Variants in RCOR1 observed in about 807,000 individuals in gnomAD.
RCOR1 encodes the protein REST corepressor.
Under a neutral mutation model 64.0 loss-of-function variants are expected in RCOR1, and 12 were observed. The ratio of observed to expected loss-of-function variants is 0.19; its 90% confidence interval spans 0.12 to 0.30. RCOR1 has a LOEUF of 0.30. Among genes scored for constraint, RCOR1 ranks in the 10% least tolerant of loss-of-function variants. The pLI is 1.00. For synonymous variants in RCOR1, 279 were observed against 227.2 expected (o/e 1.23, Z -2.05); for missense variants, 502 against 621.2 (o/e 0.81, Z 2.04).
At chr14:102,696,584 G>A (rs919032215) in intron 3 of RCOR1, among the ~76,000 whole-genome samples, 1 of 152,162 alleles carries the variant, frequency 6.6e-6, no homozygotes, top group Non-Finnish European at 1.5e-5. Flanking sequence ...GTCCTGATTA[G>A]CGTTTACTTC....
intron 2 of RCOR1, among the ~76,000 whole-genome samples, chr14:102,614,322 T>TCACTCCATTCTCCTGCCTC (rs1382389097): frequency 9.3e-5 from 14 of 151,134 alleles, no homozygotes; most frequent in Admixed American, 4.6e-4. Context: ...CTTCCTGGAT[T>TCACTCCATTCTCCTGCCTC]CACTCCATTC....
chr14:102,699,773 T>C (rs961647112), intron 3 of RCOR1, among the ~76,000 whole-genome samples: 3 of 151,928 alleles, frequency 2.0e-5, no homozygotes, highest in Non-Finnish European at 4.4e-5. Context: ...TTTTTTTAGC[T>C]TGTGTTGTTG....
chr14:102,624,112 C>A (rs1210707757), intron 2 of RCOR1, among the ~76,000 whole-genome samples: 7 of 151,714 alleles, frequency 4.6e-5, no homozygotes, highest in Admixed American at 4.6e-4. Flanking sequence ...AGGAGAATGA[C>A]ATGAACCTGG....
chr14:102,711,815 A>G (rs1895966270), intron 7 of RCOR1, among the ~76,000 whole-genome samples: 1 of 152,210 alleles, frequency 6.6e-6, no homozygotes, highest in African/African-American at 2.4e-5. Context: ...GCTAACTGAA[A>G]GAAGAAAATT....
intron 2 of RCOR1, among the ~76,000 whole-genome samples, chr14:102,629,328 A>G (rs1007809170): frequency 6.6e-6 from 1 of 151,622 alleles, no homozygotes; most frequent in Non-Finnish European, 1.5e-5. Flanking sequence ...ATTTACTCTT[A>G]TCGTCATCTA....
rs570418852 is a variant in RCOR1 at position 102,667,362 on chromosome 14, G to C, written c.362-14533G>C. On this transcript the variant is annotated intron_variant, in intron 2 of 11. Coordinates refer to ENST00000262241, the MANE Select transcript of RCOR1 (RefSeq NM_015156.4). ...CTAAAAATATGAAAACTAGCCGGGCGTGGTGGTGGGTGCCTGTAATCCCAG... is the reference window on the plus strand; with the variant it reads ...CTAAAAATATGAAAACTAGCCGGGCCTGGTGGTGGGTGCCTGTAATCCCAG... Among the ~76,000 whole-genome samples the C allele has an allele frequency of 5.9e-5, 9 of 152,020 alleles. No homozygotes were observed. The South Asian group carries it at 1.7e-3, about 28-fold the overall frequency.
At chr14:102,644,445 T>C (rs1490850165) in intron 2 of RCOR1, among the ~76,000 whole-genome samples, 1 of 152,218 alleles carries the variant, frequency 6.6e-6, no homozygotes, top group African/African-American at 2.4e-5. Flanking sequence ...AAACATTCTG[T>C]GACCACCTTT....
At chr14:102,662,981 G>A (rs1894853988) in intron 2 of RCOR1, among the ~76,000 whole-genome samples, 1 of 152,134 alleles carries the variant, frequency 6.6e-6, no homozygotes, top group Admixed American at 6.6e-5. Flanking sequence ...TTGGCTCTGT[G>A]TCCCCACGCA....
rs1381196941 is a variant in RCOR1, at chr14:102,657,980, A to T, written c.362-23915A>T. On this transcript the variant is annotated intron_variant, in intron 2 of 11. Transcript: ENST00000262241. ...TTTTAATTTAATTTAATTAATTTTT[A>T]TTTATTTATTTTGAGACAGAGTCTT... 17 of 948,298 alleles carry T rather than the reference A, an allele frequency of 1.8e-5. No individual in the cohort carries two copies. In the African/African-American group the frequency reaches 2.9e-4, roughly 16 times the overall value. 58.7% of individuals were successfully genotyped at this position (948,298 alleles called of 1,614,324 possible).
chr14:102,667,413 A>G (rs1242471083), intron 2 of RCOR1, among the ~76,000 whole-genome samples: 1 of 152,036 alleles, frequency 6.6e-6, no homozygotes, highest in Admixed American at 6.6e-5. Context: ...AAGGAGGAGA[A>G]TTGCTTGAAC....
At chr14:102,691,191 G>T (rs1895523998) in intron 3 of RCOR1, among the ~76,000 whole-genome samples, 2 of 152,194 alleles carry the variant, frequency 1.3e-5, no homozygotes, top group Non-Finnish European at 2.9e-5. Context: ...TTCATTGAGC[G>T]CCGTGAAGGA....
chr14:102,677,162 C>G (rs1451782695), intron 2 of RCOR1, among the ~76,000 whole-genome samples: 1 of 98,366 alleles, frequency 1.0e-5, no homozygotes, highest in African/African-American at 3.8e-5. Context: ...GGGGGGCTGA[C>G]CCCCCCCCAC....
intron 2 of RCOR1, among the ~76,000 whole-genome samples, chr14:102,650,534 C>T (rs1048528990): frequency 6.6e-6 from 1 of 152,134 alleles, no homozygotes; most frequent in African/African-American, 2.4e-5. Context: ...CTACAAACCT[C>T]GCCACATCCA....
chr14:102,706,408 A>G (rs138769412), intron 4 of RCOR1, among the ~76,000 whole-genome samples: 195 of 152,316 alleles, frequency 1.3e-3, no homozygotes, highest in African/African-American at 4.1e-3. Flanking sequence ...ACCAAAAGAA[A>G]GCAGGAGTGA....
chr14:102,612,958 CAAA>C (rs34850806), intron 2 of RCOR1, among the ~76,000 whole-genome samples: 5 of 63,602 alleles, frequency 7.9e-5, no homozygotes, highest in Admixed American at 3.8e-4. Context: ...TATCTCTTAG[CAAA>C]AAAAAAAAAA....
intron 2 of RCOR1, among the ~76,000 whole-genome samples, chr14:102,641,128 G>T (rs1595208665): frequency 6.6e-6 from 1 of 152,000 alleles, no homozygotes; most frequent in East Asian, 1.9e-4. Flanking sequence ...GGTGGCGCGT[G>T]CCTGTGGTCC....
At chr14:102,655,984 C>T in intron 2 of RCOR1, 1 of 982,696 alleles carries the variant, frequency 1.0e-6, no homozygotes, top group Non-Finnish European at 1.2e-6. Flanking sequence ...CACACACACA[C>T]ACACGTGAAA....
intron 2 of RCOR1, among the ~76,000 whole-genome samples, chr14:102,674,190 T>C (rs1165060841): frequency 6.6e-6 from 1 of 152,214 alleles, no homozygotes; most frequent in African/African-American, 2.4e-5. Flanking sequence ...TCTGCTCTTA[T>C]GACCTTTAGG....
chr14:102,707,312 T>G, intron 4 of RCOR1, 39 bp from the exon 5 acceptor site: 1 of 1,533,304 alleles, frequency 6.5e-7, no homozygotes, highest in Non-Finnish European at 8.8e-7. Flanking sequence ...TTCATTGTTT[T>G]TTGTTTGATC....
Sources: allele counts gnomAD v4.1 joint callset (sites outside exome capture counted in the v4.1 genomes callset), GRCh38; gene constraint gnomAD v4.1.1; transcripts MANE v1.5; gene names NCBI Gene and HGNC (gene_info 2026-07-23, HGNC 2026-07-21).